ELMO1: variants seen among roughly 807,000 people sequenced by gnomAD.
ELMO1 encodes engulfment and cell motility protein 1.
In ELMO1, 26 loss-of-function variants were observed where a neutral mutation model predicts 98.9. The observed-to-expected ratio is 0.26, with a 90% CI of 0.19 to 0.36. ELMO1 has a LOEUF of 0.36. ELMO1 is among the 10% of genes least tolerant of loss of function. The probability of loss-of-function intolerance (pLI) is 1.00; values close to 1 mark genes in which losing one functional copy is unlikely to be tolerated. For missense variants in ELMO1, 627 were observed against 935.2 expected (o/e 0.67, Z 4.30); for synonymous variants, 346 against 346.0 (o/e 1.00, Z 0.00).
intron 15 of ELMO1, among the ~76,000 whole-genome samples, chr7:37,029,447 G>C (rs2129184597): frequency 6.6e-6 from 1 of 151,550 alleles, no homozygotes; most frequent in South Asian, 2.1e-4. Context: ...GATTATGTAA[G>C]TACTGGATTT....
Position 36,909,519 on chromosome 7 carries a change from A to C in ELMO1, c.1438-14502T>G, listed in dbSNP as rs1784199325. 2.0e-5 allele frequency among the ~76,000 whole-genome samples: 3 copies of C among 152,248 alleles called. No homozygotes were observed. The South Asian group carries it at 6.2e-4, about 31-fold the overall frequency. Reference sequence around the variant, plus strand: ...AAAGCGATCAAAGATTTTAGGAGCAAAAGGGGACATGCGCCATTGAACATG... The same window carrying C: ...AAAGCGATCAAAGATTTTAGGAGCACAAGGGGACATGCGCCATTGAACATG... On this transcript the variant is annotated intron_variant, in intron 16 of 21. Transcript: ENST00000310758.
chr7:37,146,295 G>T (rs1173488689), intron 13 of ELMO1, among the ~76,000 whole-genome samples: 2 of 152,182 alleles, frequency 1.3e-5, no homozygotes, highest in Non-Finnish European at 2.9e-5. Flanking sequence ...ATGGAGCCAA[G>T]AATGTGCATT....
intron 16 of ELMO1, among the ~76,000 whole-genome samples, chr7:36,927,624 C>T (rs1485622727): frequency 6.6e-6 from 1 of 152,144 alleles, no homozygotes; most frequent in Admixed American, 6.5e-5. Context: ...TTACAGTACA[C>T]AAGGCAGCCC....
chr7:36,895,564 T>C (rs1323248739), intron 16 of ELMO1, among the ~76,000 whole-genome samples: 1 of 152,176 alleles, frequency 6.6e-6, no homozygotes, highest in African/African-American at 2.4e-5. Context: ...GTACATGTGA[T>C]ATTGCCTCTT....
intron 14 of ELMO1, among the ~76,000 whole-genome samples, chr7:37,115,229 GAGT>G (rs1277875892): frequency 6.6e-6 from 1 of 152,104 alleles, no homozygotes; most frequent in Non-Finnish European, 1.5e-5. Flanking sequence ...GAAGCAGAAG[GAGT>G]AGTTCTTAAC....
At chr7:36,924,776 C>T (rs1183074386) in intron 16 of ELMO1, among the ~76,000 whole-genome samples, 1 of 151,990 alleles carries the variant, frequency 6.6e-6, no homozygotes, top group African/African-American at 2.4e-5. Context: ...GTGGCACTGG[C>T]CAACTGGAAG....
intron 14 of ELMO1, among the ~76,000 whole-genome samples, chr7:37,099,833 A>ATTT (rs768234746): frequency 1.4e-5 from 2 of 141,324 alleles, no homozygotes; most frequent in Non-Finnish European, 3.1e-5. Context: ...CTGGAGTTCA[A>ATTT]TTTTTTTTTT....
At chr7:37,417,917 G>A (rs1249300736) in intron 1 of ELMO1, among the ~76,000 whole-genome samples, 2 of 152,184 alleles carry the variant, frequency 1.3e-5, no homozygotes, top group Non-Finnish European at 2.9e-5. Context: ...GGCACAGCTT[G>A]GAGTGATACT....
chr7:37,317,109 T>A (rs533889582), intron 2 of ELMO1, among the ~76,000 whole-genome samples: 3 of 152,154 alleles, frequency 2.0e-5, no homozygotes, highest in Admixed American at 2.0e-4. Flanking sequence ...AAAAAAGGAT[T>A]AGGACTCCTG....
chr7:37,047,455 C>G (rs973666759), intron 15 of ELMO1, among the ~76,000 whole-genome samples: 1 of 152,192 alleles, frequency 6.6e-6, no homozygotes, highest in East Asian at 1.9e-4. Context: ...CTTACAAGCA[C>G]GAGAGATATG....
At chr7:37,253,871 C>T (rs1423035764) in intron 6 of ELMO1, among the ~76,000 whole-genome samples, 1 of 152,112 alleles carries the variant, frequency 6.6e-6, no homozygotes, top group African/African-American at 2.4e-5. Context: ...GCTTAGGAAA[C>T]GACCACCTTC....
chr7:37,430,616 C>A (rs1263171408), intron 1 of ELMO1, among the ~76,000 whole-genome samples: 1 of 152,240 alleles, frequency 6.6e-6, no homozygotes, highest in Non-Finnish European at 1.5e-5. Flanking sequence ...CTGAGCTCAC[C>A]GGTGTCTCCT....
At chr7:36,966,004 T>C (rs1329584443) in intron 16 of ELMO1, among the ~76,000 whole-genome samples, 1 of 152,196 alleles carries the variant, frequency 6.6e-6, no homozygotes, top group African/African-American at 2.4e-5. Flanking sequence ...AAAATGAATA[T>C]ACTTCATTTA....
intron 16 of ELMO1, among the ~76,000 whole-genome samples, chr7:36,966,337 G>T (rs1789427904): frequency 6.6e-6 from 1 of 152,188 alleles, no homozygotes; most frequent in Non-Finnish European, 1.5e-5. Flanking sequence ...CAGCGTGAAG[G>T]TTATTTATAT....
At chr7:36,907,802 C>T (rs532607300) in intron 16 of ELMO1, among the ~76,000 whole-genome samples, 2 of 152,356 alleles carry the variant, frequency 1.3e-5, no homozygotes, top group Admixed American at 1.3e-4. Context: ...CATCACTAAT[C>T]TATCACGGCA....
At chr7:36,950,459 T>C (rs554926204) in intron 16 of ELMO1, among the ~76,000 whole-genome samples, 145 of 152,334 alleles carry the variant, frequency 9.5e-4, no homozygotes, top group African/African-American at 3.2e-3. Flanking sequence ...AGGTTTCTCC[T>C]ATTTTCTCCT....
At chr7:37,292,426 G>A (rs1456037447) in intron 4 of ELMO1, among the ~76,000 whole-genome samples, 4 of 61,052 alleles carry the variant, frequency 6.6e-5, no homozygotes, top group Admixed American at 3.1e-4. Flanking sequence ...GCGATGTGAG[G>A]AGCCCCTCTG....
chr7:37,008,343 G>A (rs1383353008), intron 16 of ELMO1, among the ~76,000 whole-genome samples: 1 of 152,188 alleles, frequency 6.6e-6, no homozygotes, highest in Non-Finnish European at 1.5e-5. Flanking sequence ...TTTCACACGG[G>A]AAACTAAGGT....
At chr7:37,160,566 G>A (rs1015596273) in intron 13 of ELMO1, among the ~76,000 whole-genome samples, 4 of 152,132 alleles carry the variant, frequency 2.6e-5, no homozygotes, top group African/African-American at 7.2e-5. Flanking sequence ...GGAGCAGGGC[G>A]GTTTAAAGCT....
Sources: allele counts gnomAD v4.1 joint callset (sites outside exome capture counted in the v4.1 genomes callset), GRCh38; gene constraint gnomAD v4.1.1; transcripts MANE v1.5; gene names NCBI Gene and HGNC (gene_info 2026-07-23, HGNC 2026-07-21).